Variants in CNTNAP2 observed in about 807,000 individuals in gnomAD.
The protein encoded by CNTNAP2 is contactin-associated protein-like 2.
CNTNAP2 carries 98 observed loss-of-function variants against 155.2 expected under a neutral mutation model. The observed-to-expected ratio is 0.63, with a 90% CI of 0.54 to 0.75. CNTNAP2 has a LOEUF of 0.75. CNTNAP2 is among the 30% of genes least tolerant of loss of function. CNTNAP2 has a pLI of 0.00. For synonymous variants in CNTNAP2, 651 were observed against 631.2 expected (o/e 1.03, Z -0.47); for missense variants, 1,727 against 1,688.1 (o/e 1.02, Z -0.40).
intron 14 of CNTNAP2, among the ~76,000 whole-genome samples, chr7:147,941,425 C>T (rs1488056697): frequency 6.6e-6 from 1 of 152,162 alleles, no homozygotes; most frequent in African/African-American, 2.4e-5. Flanking sequence ...CCTCTCCTGC[C>T]AGCCCTAAAA....
intron 21 of CNTNAP2, among the ~76,000 whole-genome samples, chr7:148,347,179 C>T (rs1798343113): frequency 6.6e-6 from 1 of 152,024 alleles, no homozygotes. Context: ...ATCGCCTGAA[C>T]CCGGGAAGTG....
chr7:147,696,579 C>T (rs1796164846), intron 13 of CNTNAP2, among the ~76,000 whole-genome samples: 1 of 152,090 alleles, frequency 6.6e-6, no homozygotes, highest in Non-Finnish European at 1.5e-5. Context: ...GTTGTGTCTT[C>T]CCTTAATCAT....
At chr7:147,531,611 C>A (rs201660337) in intron 11 of CNTNAP2, among the ~76,000 whole-genome samples, 1 of 152,150 alleles carries the variant, frequency 6.6e-6, no homozygotes, top group Non-Finnish European at 1.5e-5. Context: ...GCACGGGGAA[C>A]CTGGGCCTGG....
intron 1 of CNTNAP2, among the ~76,000 whole-genome samples, chr7:146,386,265 A>G (rs1186910961): frequency 2.0e-5 from 3 of 152,208 alleles, no homozygotes; most frequent in Admixed American, 6.5e-5. Context: ...TATAGAATAT[A>G]TCAAAAGTTT....
intron 9 of CNTNAP2, among the ~76,000 whole-genome samples, chr7:147,341,070 T>TTGTGTGTGTGTGTG (rs61319652): frequency 0.14 from 20,997 of 148,378 alleles, 1,894 homozygotes; most frequent in Non-Finnish European, 0.21. Context: ...CATTGTGTGT[T>TTGTGTGTGTGTGTG]TGTGTGTGTG....
chr7:148,365,491 C>T (rs980132446), intron 21 of CNTNAP2, among the ~76,000 whole-genome samples: 2 of 152,074 alleles, frequency 1.3e-5, no homozygotes, highest in Admixed American at 6.5e-5. Context: ...ATGATGAAAC[C>T]GCGTCTCTAC....
chr7:147,114,316 T>G (rs1298064566), intron 5 of CNTNAP2, among the ~76,000 whole-genome samples: 1 of 152,164 alleles, frequency 6.6e-6, no homozygotes, highest in Non-Finnish European at 1.5e-5. Context: ...TCTGTATATA[T>G]CTATCAGGTC....
At chr7:146,929,601 C>T (rs141737766) in intron 3 of CNTNAP2, among the ~76,000 whole-genome samples, 5,871 of 152,206 alleles carry the variant, frequency 0.039, 140 homozygotes, top group Middle Eastern at 0.088. Flanking sequence ...ATGACTTTGA[C>T]GAGTTGAGAG....
chr7:148,361,488 G>A (rs1798619148), intron 21 of CNTNAP2, among the ~76,000 whole-genome samples: 1 of 152,146 alleles, frequency 6.6e-6, no homozygotes, highest in African/African-American at 2.4e-5. Context: ...TGGGGACTCA[G>A]AGGGGGAACT....
chr7:146,481,560 C>T (rs28542164), intron 1 of CNTNAP2, among the ~76,000 whole-genome samples: 2,814 of 152,226 alleles, frequency 0.018, 80 homozygotes, highest in African/African-American at 0.065. Flanking sequence ...ATTCCACCTC[C>T]TCATCATCAT....
intron 11 of CNTNAP2, among the ~76,000 whole-genome samples, chr7:147,526,058 G>A (rs1799312431): frequency 6.6e-6 from 1 of 151,862 alleles, no homozygotes; most frequent in South Asian, 2.1e-4. Flanking sequence ...CAGGTGTGGT[G>A]GTGTGTGCCT....
intron 1 of CNTNAP2, among the ~76,000 whole-genome samples, chr7:146,193,224 C>T (rs1279508059): frequency 6.6e-6 from 1 of 152,198 alleles, no homozygotes; most frequent in Non-Finnish European, 1.5e-5. Context: ...ATTCTGGGGT[C>T]TGGAGGATGG....
intron 13 of CNTNAP2, among the ~76,000 whole-genome samples, chr7:147,749,081 G>T (rs1797093208): frequency 6.6e-6 from 1 of 152,082 alleles, no homozygotes; most frequent in African/African-American, 2.4e-5. Flanking sequence ...AAATGCAATT[G>T]GTTATACAAT....
At chr7:147,042,143 T>G (rs1241779875) in intron 3 of CNTNAP2, among the ~76,000 whole-genome samples, 1 of 152,222 alleles carries the variant, frequency 6.6e-6, no homozygotes, top group Non-Finnish European at 1.5e-5. Flanking sequence ...GACATACTGC[T>G]CAAATAGTTT....
chr7:146,642,296 T>C (rs1220145444), intron 1 of CNTNAP2, among the ~76,000 whole-genome samples: 3 of 142,722 alleles, frequency 2.1e-5, no homozygotes, highest in Non-Finnish European at 4.6e-5. Context: ...CTCCTAAAGC[T>C]ATCCCTCCCC....
intron 15 of CNTNAP2, among the ~76,000 whole-genome samples, chr7:148,104,511 G>A (rs1303688986): frequency 1.3e-5 from 2 of 152,336 alleles, no homozygotes; most frequent in East Asian, 3.9e-4. Context: ...CTGCACAGTG[G>A]TGGAGTGTAG....
intron 14 of CNTNAP2, among the ~76,000 whole-genome samples, chr7:147,913,543 A>G (rs1353898018): frequency 6.6e-6 from 1 of 152,346 alleles, no homozygotes; most frequent in East Asian, 1.9e-4. Context: ...AAGGAAAGAT[A>G]AAGAAACATG....
intron 12 of CNTNAP2, among the ~76,000 whole-genome samples, chr7:147,579,847 T>C (rs1370060082): frequency 6.6e-6 from 1 of 152,164 alleles, no homozygotes; most frequent in African/African-American, 2.4e-5. Context: ...CAATGGTACA[T>C]ACACTTGGGA....
intron 1 of CNTNAP2, among the ~76,000 whole-genome samples, chr7:146,727,404 G>A (rs893140367): frequency 6.6e-6 from 1 of 152,150 alleles, no homozygotes; most frequent in African/African-American, 2.4e-5. Context: ...TACCACTGAG[G>A]AGAATGATGC....
Sources: gnomAD v4.1 joint callset for allele counts (sites outside exome capture counted in the v4.1 genomes callset) on GRCh38, gnomAD v4.1.1 for gene constraint, MANE v1.5 for transcripts, NCBI Gene and HGNC (gene_info 2026-07-23, HGNC 2026-07-21) for gene names.